Variants in CEP128 observed in about 807,000 individuals in gnomAD.
The protein encoded by CEP128 is centrosomal protein 128kDa.
In CEP128, 132 loss-of-function variants were observed where a neutral mutation model predicts 156.7. The observed-to-expected ratio is 0.84, with a 90% CI of 0.73 to 0.97. CEP128 has a LOEUF of 0.97. Among genes scored for constraint, CEP128 ranks in the 50% least tolerant of loss-of-function variants. The pLI, the probability that CEP128 is intolerant of heterozygous loss-of-function variation, is 0.00. For missense variants in CEP128, 1,252 were observed against 1,281.9 expected, an observed-to-expected ratio of 0.98 and a Z score of 0.36; for synonymous variants, 469 against 448.9, an observed-to-expected ratio of 1.04 and a Z score of -0.57.
rs374085236 is a variant in CEP128, at chr14:80,897,390, C to T, written c.573-1600G>A. On this transcript the variant is annotated intron_variant, in intron 7 of 24. Transcript: ENST00000555265. ...TCCCATGGTTCCAAATGACACTTCT[C>T]CATGCTGACCACTCTTAAATTTTAC... is the stretch of plus-strand genomic sequence containing the variant. Among the ~76,000 whole-genome samples, 4 of 152,296 alleles carry T rather than the reference C, an allele frequency of 2.6e-5. No individual in the cohort carries two copies. In the East Asian group the frequency reaches 5.8e-4, roughly 22 times the overall value.
intron 16 of CEP128, among the ~76,000 whole-genome samples, chr14:80,768,249 C>T (rs1311629461): frequency 2.0e-5 from 3 of 152,052 alleles, no homozygotes; most frequent in Non-Finnish European, 4.4e-5. Flanking sequence ...TTGTCAGTGG[C>T]GAGGCTATTG....
At chr14:80,694,876 C>T (rs1005955192) in intron 19 of CEP128, among the ~76,000 whole-genome samples, 1 of 151,054 alleles carries the variant, frequency 6.6e-6, no homozygotes, top group African/African-American at 2.4e-5. Flanking sequence ...TGTAACAAAC[C>T]TGCAGGTTCT....
At chr14:80,667,258 C>G (rs967577092) in intron 19 of CEP128, among the ~76,000 whole-genome samples, 2 of 152,180 alleles carry the variant, frequency 1.3e-5, no homozygotes, top group Non-Finnish European at 2.9e-5. Flanking sequence ...GACCATGAGG[C>G]TGACTGAAGC....
intron 19 of CEP128, among the ~76,000 whole-genome samples, chr14:80,732,073 C>T (rs148875372): frequency 8.1e-4 from 123 of 152,240 alleles, no homozygotes; most frequent in African/African-American, 2.8e-3. Context: ...CATCTATCCA[C>T]CTGCCCCCAT....
At chr14:80,823,290 T>C (rs1203018272) in intron 13 of CEP128, among the ~76,000 whole-genome samples, 2 of 152,350 alleles carry the variant, frequency 1.3e-5, no homozygotes, top group Middle Eastern at 3.4e-3. Flanking sequence ...GTGGTTCCAT[T>C]TCGAGATTGC....
chr14:80,479,954 T>G (rs1887018646), intron 14 of CEP128, among the ~76,000 whole-genome samples: 1 of 152,194 alleles, frequency 6.6e-6, no homozygotes, highest in Non-Finnish European at 1.5e-5. Flanking sequence ...CTCCTTTGAC[T>G]CCAGGTCTCA....
At chr14:80,549,415 G>A (rs1285803042) in intron 21 of CEP128, among the ~76,000 whole-genome samples, 1 of 152,202 alleles carries the variant, frequency 6.6e-6, no homozygotes, top group Non-Finnish European at 1.5e-5. Context: ...CTGTAACAGA[G>A]CACACTGCGT....
At chr14:80,672,488 A>G (rs1895883713) in intron 19 of CEP128, among the ~76,000 whole-genome samples, 2 of 152,216 alleles carry the variant, frequency 1.3e-5, no homozygotes, top group African/African-American at 4.8e-5. Context: ...AAGTCTGTTC[A>G]GGTAGAATAT....
Position 80,741,252 on chromosome 14 carries a change from C to T in CEP128, c.2806+1823G>A, listed in dbSNP as rs572004179. On this transcript the variant is annotated intron_variant, in intron 19 of 24. Transcript: ENST00000555265. ...GTAGAAATGTCTCTCCTTCTGAAAA[C>T]TTTTGAAAAATTCTTTGCAATTTCC... Among the ~76,000 whole-genome samples, 8 of 152,236 alleles carry T rather than the reference C, an allele frequency of 5.3e-5. No homozygotes were observed. The South Asian group carries it at 1.7e-3, about 32-fold the overall frequency.
At chr14:80,703,144 CTT>C (rs1208499416) in intron 19 of CEP128, among the ~76,000 whole-genome samples, 1 of 152,054 alleles carries the variant, frequency 6.6e-6, no homozygotes, top group Non-Finnish European at 1.5e-5. Context: ...ATCAATCACT[CTT>C]GTGTTAAAAA....
chr14:80,906,114 T>C (rs753170076), intron 4 of CEP128, 33 bp from the exon 5 acceptor site: 1 of 1,488,264 alleles, frequency 6.7e-7, no homozygotes, highest in Non-Finnish European at 9.0e-7. Flanking sequence ...TGAAGCGTTA[T>C]TCTTCTTAAA....
At chr14:80,823,880 G>A (rs200568841) in intron 13 of CEP128, among the ~76,000 whole-genome samples, 2 of 152,244 alleles carry the variant, frequency 1.3e-5, no homozygotes, top group East Asian at 3.9e-4. Flanking sequence ...CCCCAGTAGG[G>A]ACAATGTGCG....
chr14:80,656,880 G>A (rs1274179258), intron 19 of CEP128, among the ~76,000 whole-genome samples: 1 of 152,130 alleles, frequency 6.6e-6, no homozygotes, highest in African/African-American at 2.4e-5. Context: ...GATATAAACA[G>A]AGCGAACCAG....
chr14:80,784,846 C>G (rs201505379), intron 15 of CEP128, 49 bp downstream of exon 15: 1 of 1,452,026 alleles, frequency 6.9e-7, no homozygotes, highest in Non-Finnish European at 9.4e-7. Flanking sequence ...ACTTCATGAG[C>G]CACCAGAAAA....
At chr14:80,720,586 G>A (rs944934355) in intron 19 of CEP128, among the ~76,000 whole-genome samples, 4 of 152,156 alleles carry the variant, frequency 2.6e-5, no homozygotes, top group African/African-American at 4.8e-5. Flanking sequence ...AAGATTGTCC[G>A]AGAAATTATG....
chr14:80,520,094 T>C (rs1888666930), intron 23 of CEP128, among the ~76,000 whole-genome samples: 2 of 152,152 alleles, frequency 1.3e-5, no homozygotes, highest in Non-Finnish European at 2.9e-5. Flanking sequence ...AAATTTACCA[T>C]TGGGAATCCA....
At chr14:80,523,501 C>T (rs1888842428) in intron 23 of CEP128, among the ~76,000 whole-genome samples, 1 of 152,120 alleles carries the variant, frequency 6.6e-6, no homozygotes, top group African/African-American at 2.4e-5. Flanking sequence ...CTTATGATGC[C>T]ATTCTCCTGA....
chr14:80,934,982 C>T (rs1885699731), intron 2 of CEP128, among the ~76,000 whole-genome samples: 1 of 152,134 alleles, frequency 6.6e-6, no homozygotes, highest in South Asian at 2.1e-4. Flanking sequence ...TTTATGTATG[C>T]TCTCTCATTT....
intron 1 of CEP128, among the ~76,000 whole-genome samples, chr14:80,958,830 A>G (rs978908747): frequency 1.3e-5 from 2 of 152,154 alleles, no homozygotes; most frequent in African/African-American, 4.8e-5. Context: ...CAAGTTTTGT[A>G]TTATTCAGAG....
Sources: allele counts gnomAD v4.1 joint callset (sites outside exome capture counted in the v4.1 genomes callset), GRCh38; gene constraint gnomAD v4.1.1; transcripts MANE v1.5; gene names NCBI Gene and HGNC (gene_info 2026-07-23, HGNC 2026-07-21).